ZFYVE26: variants seen among roughly 807,000 people sequenced by gnomAD.
ZFYVE26 encodes the protein zinc finger FYVE domain-containing protein 26.
A neutral mutation model predicts 276.5 loss-of-function variants in ZFYVE26; 181 were observed. The observed-to-expected ratio is 0.65, with a 90% confidence interval of 0.58 to 0.74. The LOEUF (loss-of-function observed/expected upper bound fraction) is 0.74, where lower values mean the gene tolerates loss of function less well. Among genes scored for constraint, ZFYVE26 ranks in the 30% least tolerant of loss-of-function variants. The probability of loss-of-function intolerance (pLI) is 0.00; values close to 1 mark genes in which losing one functional copy is unlikely to be tolerated. For synonymous variants in ZFYVE26, 1,129 were observed against 1,203.1 expected (o/e 0.94, Z 1.27); for missense variants, 2,821 against 3,097.9 (o/e 0.91, Z 2.12).
chr14:67,784,469 AC>A, intron 19 of ZFYVE26, 33 bp from the exon 20 acceptor site: 1 of 1,586,880 alleles, frequency 6.3e-7, no homozygotes, highest in South Asian at 1.1e-5. Context: ...CTTTGTTTGC[AC>A]CACTGACTGC....
chr14:67,752,330 G>C lies in ZFYVE26; in HGVS notation c.7371+14C>G. Reference sequence around the variant, plus strand: ...AATTGATGGAGGAGCCAAGAGGTACGGGAGGGAGTGTACCTGGGGCGGAAT... The same window carrying C: ...AATTGATGGAGGAGCCAAGAGGTACCGGAGGGAGTGTACCTGGGGCGGAAT... On this transcript the variant is annotated intron_variant, in intron 40 of 41. Coordinates refer to ENST00000347230, the MANE Select transcript of ZFYVE26 (RefSeq NM_015346.4). 6.2e-7 allele frequency: 1 copy of C among 1,605,076 alleles called. No individual in the cohort carries two copies. The highest frequency in any genetic ancestry group is 1.1e-5 in the South Asian group (1 of 89,084).
chr14:67,762,161 TC>T (rs767283052), intron 34 of ZFYVE26, 41 bp downstream of exon 34: 1 of 1,596,620 alleles, frequency 6.3e-7, no homozygotes, highest in Non-Finnish European at 8.6e-7. Context: ...TATTCCTGGG[TC>T]TCCCTCCCTG....
chr14:67,752,503 C>T lies in ZFYVE26; in HGVS notation c.7212G>A (p.Met2404Ile). 5.0e-6 allele frequency: 8 copies of T among 1,614,152 alleles called. No individual in the cohort carries two copies. In the South Asian group the frequency reaches 5.5e-5, roughly 11 times the overall value. ...VLQDFQLDAA[M>I]TYCRAARQLV... ...ACTGGCGGGCAGCTCTGCAGTAGGT[C>T]ATGGCAGCATCCAGCTGGAAGTCCT... is the stretch of plus-strand genomic sequence containing the variant. The change falls in exon 40 of 42, where the codon ATG (methionine) becomes ATA (isoleucine). Residue 2404 changes from methionine to isoleucine, a missense_variant. Transcript: ENST00000347230.
chr14:67,804,126 T>C lies in ZFYVE26; in HGVS notation c.1410A>G (p.Pro470=), dbSNP rs200601644. ...CAGGCTCTTGCTGGGGGTCCTTGGC[T>C]GGCACTTTCTGTAAGAGCTTGAGAA... ...EDVLKLLQKV[P]AKDPQQEPDA... The change falls in exon 9 of 42, where the codon CCA becomes CCG. Residue 470 remains proline, a synonymous_variant. Transcript: ENST00000347230. The C allele has an allele frequency of 6.8e-6, 11 of 1,614,220 alleles. No homozygotes were observed. Among genetic ancestry groups the C allele is most frequent in the African/African-American group, 4.0e-5 (3 of 75,048 alleles).
chr14:67,788,934 T>C (rs10483805), intron 16 of ZFYVE26, among the ~76,000 whole-genome samples: 87,257 of 151,990 alleles, frequency 0.57, 26,781 homozygotes, highest in East Asian at 0.85. Context: ...TGCACTGTTA[T>C]TCACCTCAAG....
rs1566892843 is a variant in ZFYVE26, at chr14:67,798,115, G to A, written c.2147C>T (p.Ser716Leu). Residue 716 changes from serine to leucine, a missense_variant, in exon 11 of 42, where the codon TCA (serine) becomes TTA (leucine). Transcript: ENST00000347230. ...EKPKQESQSC[S>L]GSRDGLQSRL... Reference sequence around the variant, plus strand: ...GCTCTGCAGTCCATCTCTGCTTCCTGAGCAGCTCTGACTTTCTTGCTTTGG... The same window carrying A: ...GCTCTGCAGTCCATCTCTGCTTCCTAAGCAGCTCTGACTTTCTTGCTTTGG... 2 of 1,614,032 alleles carry A rather than the reference G, an allele frequency of 1.2e-6. No homozygotes were observed. Among genetic ancestry groups the A allele is most frequent in the Non-Finnish European group, 8.5e-7 (1 of 1,180,030 alleles).
At chr14:67,768,646 C>T in intron 29 of ZFYVE26, 98 bp from the exon 30 acceptor site, 1 of 1,139,118 alleles carries the variant, frequency 8.8e-7, no homozygotes, top group East Asian at 2.4e-5. Context: ...CTCCCTGGTA[C>T]AATGGAGGGC....
At chr14:67,755,906 C>G (rs1231051884) in intron 36 of ZFYVE26, 42 bp downstream of exon 36, 1 of 1,609,394 alleles carries the variant, frequency 6.2e-7, no homozygotes, top group East Asian at 2.2e-5. Context: ...CAGGGTGGGG[C>G]ACCAGCAACA....
downstream of ZFYVE26, among the ~76,000 whole-genome samples, chr14:67,744,653 A>C (rs1275209851): frequency 6.6e-6 from 1 of 152,182 alleles, no homozygotes; most frequent in Non-Finnish European, 1.5e-5. Flanking sequence ...TATGAGTGAG[A>C]ACATGCGATG....
At chr14:67,730,845 C>T (rs941579400) in intron 13 of ZFYVE26, among the ~76,000 whole-genome samples, 1 of 152,172 alleles carries the variant, frequency 6.6e-6, no homozygotes, top group Non-Finnish European at 1.5e-5. Context: ...GTCAGTTGAT[C>T]CACCTGCCTT....
intron 3 of ZFYVE26, among the ~76,000 whole-genome samples, chr14:67,813,774 T>C (rs978774478): frequency 3.3e-5 from 5 of 152,230 alleles, no homozygotes; most frequent in African/African-American, 1.2e-4. Context: ...ATGGTGGTAT[T>C]TAACAAACAG....
chr14:67,781,591 A>G, intron 21 of ZFYVE26, 62 bp from the exon 22 acceptor site: 2 of 1,508,372 alleles, frequency 1.3e-6, no homozygotes, highest in Non-Finnish European at 1.8e-6. Flanking sequence ...TCAAGAGTCC[A>G]GGTTACTTCT....
In ZFYVE26 at chr14:67,804,117, G is replaced by A. The variant is rs780808485; in HGVS notation, c.1419C>T (p.Asp473=). ...LKLLQKVPAK[D]PQQEPDAVDA... ...CCAACTCACCAGGCTCTTGCTGGGG[G>A]TCCTTGGCTGGCACTTTCTGTAAGA... The change falls in exon 9 of 42, where the codon GAC becomes GAT. Residue 473 remains aspartate, a synonymous_variant. Transcript: ENST00000347230. 6.2e-7 allele frequency: 1 copy of A among 1,614,138 alleles called. No individual in the cohort carries two copies. Among genetic ancestry groups the A allele is most frequent in the South Asian group, 1.1e-5 (1 of 91,078 alleles).
At chr14:67,782,506 G>T (rs2039527481) in intron 21 of ZFYVE26, among the ~76,000 whole-genome samples, 1 of 152,158 alleles carries the variant, frequency 6.6e-6, no homozygotes, top group Admixed American at 6.5e-5. Context: ...TTTGTAGTCT[G>T]TAGAATTTCA....
chr14:67,777,389 T>G (rs971257757), intron 25 of ZFYVE26, among the ~76,000 whole-genome samples, 170 bp downstream of exon 25: 1 of 152,212 alleles, frequency 6.6e-6, no homozygotes, highest in Non-Finnish European at 1.5e-5. Flanking sequence ...AGATTTCATA[T>G]AGCACAGGCC....
chr14:67,734,936 A>T (rs907036491), intron 13 of ZFYVE26, among the ~76,000 whole-genome samples: 2 of 152,066 alleles, frequency 1.3e-5, no homozygotes, highest in Non-Finnish European at 2.9e-5. Flanking sequence ...GGGAGTGGAT[A>T]CTCCTAACTG....
intron 12 of ZFYVE26, among the ~76,000 whole-genome samples, chr14:67,795,665 T>A (rs1037867337): frequency 6.6e-6 from 1 of 152,226 alleles, no homozygotes; most frequent in Non-Finnish European, 1.5e-5. Flanking sequence ...CCAAAAGCCA[T>A]AATGAAAACT....
At chr14:67,741,960 A>G (rs17104621), downstream of ZFYVE26, among the ~76,000 whole-genome samples, 18,437 of 152,218 alleles carry the variant, frequency 0.12, 1,160 homozygotes, top group Admixed American at 0.14. Flanking sequence ...TTCCTTGCTG[A>G]TTCACTTGCC....
chr14:67,743,212 G>T (rs1334240021), downstream of ZFYVE26, among the ~76,000 whole-genome samples: 3 of 152,116 alleles, frequency 2.0e-5, no homozygotes, highest in Admixed American at 2.0e-4. Context: ...TAACAGCTGG[G>T]TGTGGTGGCT....
Sources: allele counts gnomAD v4.1 joint callset (sites outside exome capture counted in the v4.1 genomes callset), GRCh38; gene constraint gnomAD v4.1.1; transcripts MANE v1.5; gene names NCBI Gene and HGNC (gene_info 2026-07-23, HGNC 2026-07-21).